TENM1: variants seen among roughly 807,000 people sequenced by gnomAD.
The protein encoded by TENM1 is teneurin transmembrane protein 1.
In TENM1, 35 loss-of-function variants were observed where a neutral mutation model predicts 174.8. The ratio of observed to expected loss-of-function variants is 0.20; its 90% CI spans 0.15 to 0.27. TENM1 has a LOEUF of 0.27. Among genes scored for constraint, TENM1 ranks in the 10% least tolerant of loss-of-function variants. The pLI, the probability that TENM1 is intolerant of heterozygous loss-of-function variation, is 1.00. For missense variants in TENM1, 1,633 were observed against 2,130.1 expected, an observed-to-expected ratio of 0.77 and a Z score of 4.59; for synonymous variants, 781 against 798.7, an observed-to-expected ratio of 0.98 and a Z score of 0.37.
At chrX:124,948,638 C>T (rs902406464) in intron 1 of TENM1, among the ~76,000 whole-genome samples, 8 of 112,367 alleles carry the variant, frequency 7.1e-5, no homozygotes, top group African/African-American at 2.6e-4. Context: ...CTGCAACCTC[C>T]GCCTCCTGGC....
chrX:125,201,451 G>A, the TENM1 span, among the ~76,000 whole-genome samples: 1 of 112,183 alleles, frequency 8.9e-6, no homozygotes, highest in South Asian at 3.6e-4. Context: ...TGACATGACT[G>A]TCCCTAATTC....
intron 18 of TENM1, among the ~76,000 whole-genome samples, chrX:124,505,707 G>C (rs1487022550): frequency 9.0e-6 from 1 of 111,356 alleles, no homozygotes; most frequent in Non-Finnish European, 1.9e-5. Flanking sequence ...GCACTTTGTT[G>C]TGAGTCTAAT....
the TENM1 span, among the ~76,000 whole-genome samples, chrX:124,984,366 G>T: frequency 1.8e-5 from 2 of 112,166 alleles, no homozygotes; most frequent in African/African-American, 6.5e-5. Context: ...ATGACTAATT[G>T]GGACGAAACG....
At chrX:125,069,170 T>A in the TENM1 span, among the ~76,000 whole-genome samples, 1 of 111,577 alleles carries the variant, frequency 9.0e-6, no homozygotes, top group Non-Finnish European at 1.9e-5. Flanking sequence ...CCTCCCCAAT[T>A]TTGGAGTCCC....
the TENM1 span, among the ~76,000 whole-genome samples, chrX:125,108,745 C>T: frequency 4.6e-5 from 4 of 86,367 alleles, 1 homozygote; most frequent in East Asian, 6.4e-4. Context: ...CACACACACA[C>T]GTGTATATAT....
intron 3 of TENM1, among the ~76,000 whole-genome samples, chrX:124,848,056 G>T (rs190980198): frequency 8.1e-5 from 9 of 110,643 alleles, no homozygotes; most frequent in South Asian, 7.7e-4. Context: ...TTTGAAGAAG[G>T]ACTCTTAGAG....
At chrX:124,595,747 T>C (rs1021030838) in intron 11 of TENM1, among the ~76,000 whole-genome samples, 21 of 95,979 alleles carry the variant, frequency 2.2e-4, no homozygotes, top group African/African-American at 8.2e-4. Flanking sequence ...GATGAGTATA[T>C]AAAATAAATC....
Position 124,676,747 on chromosome X carries a change from G to A in TENM1, c.1016-4912C>T, listed in dbSNP as rs185963191. 4.7e-3 allele frequency among the ~76,000 whole-genome samples: 512 copies of A among 108,283 alleles called. 4 individuals are homozygous for A. Among genetic ancestry groups the A allele is most frequent in the African/African-American group, 0.017 (494 of 29,861 alleles). 94.0% of individuals were successfully genotyped at this position (108,283 alleles called of 115,157 possible). ...CAAGTCTCTCTGCAGTTTTCTTTCT[G>A]CGTACTGTTAGAATGTTGGACTATG... is the stretch of plus-strand genomic sequence containing the variant. On this transcript the variant is annotated intron_variant, in intron 5 of 31. Transcript: ENST00000422452.
chrX:125,195,229 G>A, the TENM1 span, among the ~76,000 whole-genome samples: 1 of 111,778 alleles, frequency 8.9e-6, no homozygotes, highest in Non-Finnish European at 1.9e-5. Flanking sequence ...GAGCCTTCAA[G>A]ACCCATTGTC....
intron 1 of TENM1, among the ~76,000 whole-genome samples, chrX:124,924,477 A>C (rs1485225816): frequency 9.0e-6 from 1 of 111,415 alleles, no homozygotes; most frequent in East Asian, 2.8e-4. Context: ...GTACTGTTCA[A>C]GGCTCTCTAC....
rs2048825936 is a variant in TENM1, at chrX:124,561,840, C to T, written c.2288-23G>A. ...CATCTGAAAAGACATCAGAGAGTAA[C>T]CATCACAGAGACATCAGAATGGGAT... On this transcript the variant is annotated intron_variant, in intron 13 of 31. Transcript: ENST00000422452. 3.3e-6 allele frequency: 4 copies of T among 1,204,603 alleles called. No individual in the cohort carries two copies. The East Asian group carries it at 1.2e-4, about 36-fold the overall frequency.
At chrX:124,813,049 C>G (rs1054506255) in intron 3 of TENM1, among the ~76,000 whole-genome samples, 1 of 110,730 alleles carries the variant, frequency 9.0e-6, no homozygotes, top group African/African-American at 3.3e-5. Flanking sequence ...CTTTGTAAAT[C>G]AAATCCCAAA....
At chrX:124,915,392 G>T (rs980171026) in intron 1 of TENM1, among the ~76,000 whole-genome samples, 6 of 111,573 alleles carry the variant, frequency 5.4e-5, no homozygotes, top group African/African-American at 2.0e-4. Flanking sequence ...AGGCATAGTG[G>T]TGCATGCCCG....
At chrX:124,502,697 C>T (rs2047360870) in intron 19 of TENM1, among the ~76,000 whole-genome samples, 1 of 112,079 alleles carries the variant, frequency 8.9e-6, no homozygotes, top group South Asian at 3.8e-4. Flanking sequence ...AATTCAGAAT[C>T]TTCCTTGAAG....
the TENM1 span, among the ~76,000 whole-genome samples, chrX:125,022,257 G>C: frequency 8.9e-6 from 1 of 111,740 alleles, no homozygotes; most frequent in South Asian, 3.7e-4. Context: ...GTTTTTCAAG[G>C]AAACTAAAGT....
chrX:125,118,911 G>A, the TENM1 span, among the ~76,000 whole-genome samples: 1 of 111,460 alleles, frequency 9.0e-6, no homozygotes, highest in East Asian at 2.8e-4. Context: ...GTATATCAGT[G>A]ATTCCCTGAG....
At chrX:124,715,403 A>AC (rs1206167744) in intron 4 of TENM1, among the ~76,000 whole-genome samples, 1 of 109,835 alleles carries the variant, frequency 9.1e-6, no homozygotes, top group African/African-American at 3.3e-5. Flanking sequence ...AAAAAAAAAA[A>AC]CTCTTCATTT....
At chrX:124,379,705 A>G (rs1255624810) in exon 32 of TENM1, 1 of 112,359 alleles carries the variant, frequency 8.9e-6, no homozygotes, top group Non-Finnish European at 1.9e-5. Flanking sequence ...TATGACCAAA[A>G]CACATCCTAT....
At chrX:124,551,515 AACACACACACACCCACACACACACACAC>A (rs1405552791) in intron 14 of TENM1, among the ~76,000 whole-genome samples, 1 of 95,894 alleles carries the variant, frequency 1.0e-5, no homozygotes, top group African/African-American at 3.9e-5. Context: ...AAGTGTTCTT[AACACACACACACCCACACACACACACAC>A]ACACACACAC....
Sources: allele counts gnomAD v4.1 joint callset (sites outside exome capture counted in the v4.1 genomes callset), GRCh38; gene constraint gnomAD v4.1.1; transcripts MANE v1.5; gene names NCBI Gene and HGNC (gene_info 2026-07-23, HGNC 2026-07-21).